GMPR: variants seen among roughly 807,000 people sequenced by gnomAD.
The protein encoded by GMPR is GMP reductase 1.
Under a neutral mutation model 38.4 loss-of-function variants are expected in GMPR, and 31 were observed. The observed-to-expected ratio is 0.81, with a 90% CI of 0.61 to 1.09. The LOEUF (loss-of-function observed/expected upper bound fraction) is 1.09, where lower values mean the gene tolerates loss of function less well. Among genes scored for constraint, GMPR ranks in the 50% least tolerant of loss-of-function variants. GMPR has a pLI of 0.00. For missense variants in GMPR, 468 were observed against 453.7 expected (o/e 1.03, Z -0.29); for synonymous variants, 162 against 173.3 (o/e 0.93, Z 0.51).
chr6:16,251,049 C>G (rs1227080790), intron 3 of GMPR, among the ~76,000 whole-genome samples: 1 of 152,122 alleles, frequency 6.6e-6, no homozygotes, highest in Non-Finnish European at 1.5e-5. Flanking sequence ...GGTATAGACT[C>G]AACAGAAATT....
chr6:16,282,958 G>A (rs1275733428), intron 6 of GMPR, among the ~76,000 whole-genome samples: 5 of 151,900 alleles, frequency 3.3e-5, no homozygotes, highest in Admixed American at 2.0e-4. Flanking sequence ...ATAGGCATAC[G>A]CCACCACACC....
At chr6:16,264,993 T>C (rs1759163147) in intron 4 of GMPR, among the ~76,000 whole-genome samples, 1 of 152,188 alleles carries the variant, frequency 6.6e-6, no homozygotes, top group Non-Finnish European at 1.5e-5. Flanking sequence ...GCTGGCTGAT[T>C]GAAGAGTATA....
intron 7 of GMPR, among the ~76,000 whole-genome samples, chr6:16,289,366 G>A (rs1403093683): frequency 6.6e-6 from 1 of 152,210 alleles, no homozygotes; most frequent in African/African-American, 2.4e-5. Context: ...ACTGCACAGT[G>A]ATCCATGAAC....
At chr6:16,279,981 T>C (rs1045266021) in intron 6 of GMPR, among the ~76,000 whole-genome samples, 25 of 152,118 alleles carry the variant, frequency 1.6e-4, no homozygotes, top group African/African-American at 4.6e-4. Context: ...ATCTCCAGAA[T>C]TGACTGACAT....
intron 6 of GMPR, among the ~76,000 whole-genome samples, chr6:16,284,697 G>A (rs1759641039): frequency 6.6e-6 from 1 of 152,132 alleles, no homozygotes; most frequent in African/African-American, 2.4e-5. Flanking sequence ...GTAGCAGCCT[G>A]GGCATTTGGT....
intron 7 of GMPR, among the ~76,000 whole-genome samples, chr6:16,289,759 A>G (rs1759796979): frequency 6.6e-6 from 1 of 151,474 alleles, no homozygotes; most frequent in Non-Finnish European, 1.5e-5. Flanking sequence ...GAGAGCTTCA[A>G]GTACAGACCA....
intron 4 of GMPR, 110 bp downstream of exon 4, chr6:16,254,845 T>C: frequency 1.4e-6 from 1 of 720,732 alleles, no homozygotes; most frequent in Non-Finnish European, 2.4e-6. Context: ...TTGGTGCCTC[T>C]TTAGTCAAAG....
chr6:16,265,864 G>A (rs1176251587), intron 4 of GMPR, among the ~76,000 whole-genome samples: 1 of 152,202 alleles, frequency 6.6e-6, no homozygotes, highest in Non-Finnish European at 1.5e-5. Context: ...CTCGCTCTTT[G>A]GGTCCACGCG....
At chr6:16,258,351 T>C (rs890961123) in intron 4 of GMPR, among the ~76,000 whole-genome samples, 1 of 152,148 alleles carries the variant, frequency 6.6e-6, no homozygotes, top group African/African-American at 2.4e-5. Flanking sequence ...GAGCTGCCTG[T>C]TGGACAGCCT....
rs1327408399 is a variant in GMPR, at chr6:16,246,874, T to C, written c.120T>C (p.Asn40=). The change falls in exon 2 of 9, where the codon AAT becomes AAC. Residue 40 remains asparagine (N), a synonymous_variant. Transcript: ENST00000259727. ...VDLERTFTFR[N]SKQTYSGIPI... ...TTGAACGCACCTTCACGTTTCGAAA[T>C]TCAAAGCAGACCTACTCAGGGATTC... 1.5e-5 allele frequency: 25 copies of C among 1,613,524 alleles called. No individual in the cohort carries two copies. Among genetic ancestry groups the C allele is most frequent in the Non-Finnish European group, 1.9e-5 (22 of 1,179,608 alleles).
chr6:16,258,413 G>A (rs1759018134), intron 4 of GMPR, among the ~76,000 whole-genome samples: 1 of 152,236 alleles, frequency 6.6e-6, no homozygotes, highest in Admixed American at 6.5e-5. Flanking sequence ...GGAGGGAAGT[G>A]CAGGAAGGAG....
chr6:16,268,020 A>T (rs1193128984), intron 4 of GMPR, among the ~76,000 whole-genome samples: 1 of 152,114 alleles, frequency 6.6e-6, no homozygotes, highest in Non-Finnish European at 1.5e-5. Context: ...GGACACATTG[A>T]ATGTTCCTTG....
chr6:16,272,819 T>G (rs992471800), intron 4 of GMPR, among the ~76,000 whole-genome samples: 2 of 152,076 alleles, frequency 1.3e-5, no homozygotes, highest in Middle Eastern at 3.4e-3. Flanking sequence ...TGTATGTCAG[T>G]TTTTTTTCTT....
intron 8 of GMPR, among the ~76,000 whole-genome samples, chr6:16,294,457 T>TC (rs1356348206): frequency 6.6e-6 from 1 of 152,074 alleles, no homozygotes; most frequent in Non-Finnish European, 1.5e-5. Flanking sequence ...GTCCTGGTCG[T>TC]CCCCCTTGAA....
chr6:16,290,524 G>A lies in GMPR; in HGVS notation c.760G>A (p.Glu254Lys). 1 of 1,614,070 alleles carries A rather than the reference G, an allele frequency of 6.2e-7. No individual in the cohort carries two copies. Among genetic ancestry groups the A allele is most frequent in the Non-Finnish European group, 8.5e-7 (1 of 1,179,916 alleles). Residue 254 changes from glutamate (E) to lysine (K), a missense_variant, in exon 8 of 9, where the codon GAA (glutamate) becomes AAA (lysine). Physicochemically the swap from Glu to Lys is moderately conservative, Grantham distance 56 (BLOSUM62 1). Transcript: ENST00000259727. ...TTCGGGTCATACGGAGTGTGCTGGA[G>A]AAGTGTTTGAGAGGAACGGACGGAA... ...MFSGHTECAG[E>K]VFERNGRKLK... is the part of the protein sequence containing the mutation.
intron 1 of GMPR, among the ~76,000 whole-genome samples, chr6:16,243,259 G>A (rs9370881): frequency 0.33 from 49,657 of 152,104 alleles, 9,018 homozygotes; most frequent in East Asian, 0.6. Context: ...TGGAGCACGA[G>A]TATTTTGGAA....
chr6:16,265,134 G>C (rs1759167552), intron 4 of GMPR, among the ~76,000 whole-genome samples: 1 of 152,192 alleles, frequency 6.6e-6, no homozygotes, highest in African/African-American at 2.4e-5. Context: ...AAAAAAGTTT[G>C]TAGAAACAGA....
In GMPR at chr6:16,246,864, C is replaced by A. The variant is rs138267551; in HGVS notation, c.110C>A (p.Thr37Lys). 2.5e-6 allele frequency: 4 copies of A among 1,613,214 alleles called. No individual in the cohort carries two copies. The East Asian group carries it at 8.9e-5, about 36-fold the overall frequency. ...CAGGTGGATCTTGAACGCACCTTCA[C>A]GTTTCGAAATTCAAAGCAGACCTAC... ...RAEVDLERTF[T>K]FRNSKQTYSG... The change falls in exon 2 of 9, where the codon ACG becomes AAG. Residue 37 changes from threonine (T) to lysine (K), a missense_variant. Coordinates refer to ENST00000259727, the MANE Select transcript of GMPR (RefSeq NM_006877.4).
chr6:16,249,099 C>T (rs922697395), intron 2 of GMPR, among the ~76,000 whole-genome samples: 5 of 151,958 alleles, frequency 3.3e-5, no homozygotes, highest in Admixed American at 6.6e-5. Context: ...GTCCAATCTC[C>T]GTAGTCAGAT....
Sources: gnomAD v4.1 joint callset for allele counts (sites outside exome capture counted in the v4.1 genomes callset) on GRCh38, gnomAD v4.1.1 for gene constraint, MANE v1.5 for transcripts, NCBI Gene and HGNC (gene_info 2026-07-23, HGNC 2026-07-21) for gene names.